The following KCTD17 variants were observed in gnomAD, a reference collection of about 807,000 sequenced individuals.
KCTD17 encodes the protein BTB/POZ domain-containing protein KCTD17.
Under a neutral mutation model 41.5 loss-of-function variants are expected in KCTD17, and 20 were observed. The observed-to-expected ratio is 0.48, with a 90% CI of 0.34 to 0.70. KCTD17 has a LOEUF of 0.70. Ranked by LOEUF, KCTD17 falls within the 30% of genes least tolerant of loss-of-function variation. KCTD17 has a pLI of 0.01. For synonymous variants in KCTD17, 156 were observed against 173.8 expected (o/e 0.90, Z 0.80); for missense variants, 317 against 427.2 (o/e 0.74, Z 2.27).
chr22:37,062,678 C>G lies in KCTD17; in HGVS notation c.*84C>G, dbSNP rs952735383. The G allele has an allele frequency of 3.2e-6, 5 of 1,550,326 alleles. No individual in the cohort carries two copies. Among genetic ancestry groups the G allele is most frequent in the South Asian group, 2.4e-5 (2 of 84,494 alleles). ...CTCCCCGGCCTCCTCTGTCTGCACC[C>G]GTGGGGCTGTGACTTACTCCTGCCT... On this transcript the variant is annotated 3_prime_UTR_variant, in exon 9 of 9. Transcript: ENST00000403888.
intron 1 of KCTD17, chr22:37,052,453 A>G: frequency 2.2e-6 from 1 of 450,052 alleles, no homozygotes; most frequent in Admixed American, 2.4e-5. Flanking sequence ...TCTGCTGCAC[A>G]CTGCCTGCCG....
chr22:37,053,018 C>A lies in KCTD17; in HGVS notation c.190-82C>A. ...TCCAGGGAAGAGCTCTCCCTCCACT[C>A]TCCTTCCCTCCCTGTGCGTGTGCGG... On this transcript the variant is annotated intron_variant, in intron 1 of 8. Coordinates refer to ENST00000403888, the MANE Select transcript of KCTD17 (RefSeq NM_001282684.2). The surrounding 1 kb of genome is among the most constrained non-coding windows in gnomAD (Gnocchi z 4.1). 2.6e-6 allele frequency: 3 copies of A among 1,132,626 alleles called. No homozygotes were observed. The highest frequency in any genetic ancestry group is 3.9e-6 in the Non-Finnish European group (3 of 773,676). 70.2% of individuals were successfully genotyped at this position (1,132,626 alleles called of 1,614,324 possible).
chr22:37,052,494 C>T (rs1201102965), intron 1 of KCTD17: 2 of 463,132 alleles, frequency 4.3e-6, no homozygotes, highest in South Asian at 1.5e-5. Flanking sequence ...CCCTGCACTG[C>T]GCTCAGCCTC....
At chr22:37,062,270 G>A (rs967243057) in intron 8 of KCTD17, 10 of 984,948 alleles carry the variant, frequency 1.0e-5, no homozygotes, top group Admixed American at 1.2e-4. Context: ...AGCCCAAGAC[G>A]GGGCATGGGG....
chr22:37,062,162 C>T (rs1925869881), intron 8 of KCTD17: 5 of 985,270 alleles, frequency 5.1e-6, no homozygotes, highest in African/African-American at 1.7e-5. Flanking sequence ...TGGCTTCTTT[C>T]GCCTGGGGCA....
rs1037776772 is a variant in KCTD17, at chr22:37,060,726, T to C, written c.613-97T>C. On this transcript the variant is annotated intron_variant, in intron 5 of 8. Coordinates refer to ENST00000403888, the MANE Select transcript of KCTD17 (RefSeq NM_001282684.2). ...CCCCTCTCCTGAGGTCCCTTTCACC[T>C]TGCCTGAGACCGGGTCTTTGGGGAT... The C allele has an allele frequency of 2.8e-6, 4 of 1,417,978 alleles. No individual in the cohort carries two copies. In the African/African-American group the frequency reaches 5.8e-5, roughly 21 times the overall value. 87.8% of individuals were successfully genotyped at this position (1,417,978 alleles called of 1,614,324 possible).
chr22:37,061,362 T>G lies in KCTD17; in HGVS notation c.785-177T>G. 2 of 1,475,444 alleles carry G rather than the reference T, an allele frequency of 1.4e-6. No homozygotes were observed. The highest frequency in any genetic ancestry group is 2.5e-5 in the East Asian group (1 of 40,386). 91.4% of individuals were successfully genotyped at this position (1,475,444 alleles called of 1,614,324 possible). On this transcript the variant is annotated intron_variant, in intron 7 of 8. Coordinates refer to ENST00000403888, the MANE Select transcript of KCTD17 (RefSeq NM_001282684.2). The surrounding 1 kb of genome is among the most constrained non-coding windows in gnomAD (Gnocchi z 6.6). ...GCCCTGCATCCCAGAGCGTCCTGCC[T>G]GCCGCCTCCTGCGCCCCTTCTGGTA...
intron 2 of KCTD17, 73 bp from the exon 3 acceptor site, chr22:37,056,247 G>C: frequency 1.5e-6 from 2 of 1,341,314 alleles, no homozygotes; most frequent in Non-Finnish European, 2.1e-6. Context: ...TGGGTTTCGG[G>C]GTGGAGGGAA....
Position 37,062,458 on chromosome 22 carries a change from A to T in KCTD17, c.876-67A>T, listed in dbSNP as rs991876631. On this transcript the variant is annotated intron_variant, in intron 8 of 8. Coordinates refer to ENST00000403888, the MANE Select transcript of KCTD17 (RefSeq NM_001282684.2). ...CCTCTCCGCCCCCTTGCCCTGCATC[A>T]CCCCCTCCTTACCGGCCCCACCTCC... The T allele has an allele frequency of 1.1e-5, 13 of 1,214,174 alleles. No homozygotes were observed. The Admixed American group carries it at 4.0e-4, about 37-fold the overall frequency. 75.2% of individuals were successfully genotyped at this position (1,214,174 alleles called of 1,614,324 possible). A position where few individuals can be genotyped will look rare whatever the true frequency, so the allele number is the denominator to read the frequency against.
At chr22:37,055,050 C>T (rs1407164972) in intron 2 of KCTD17, 5 of 152,256 alleles carry the variant, frequency 3.3e-5, no homozygotes, top group Non-Finnish European at 7.3e-5. Context: ...AGACTGCTGA[C>T]TTCTCGTTGT....
At position 37,062,652 on chromosome 22, in the gene KCTD17, T is replaced by A. The variant is rs1925934209; in HGVS notation, c.*58T>A. The A allele has an allele frequency of 6.4e-7, 1 of 1,572,328 alleles. No individual in the cohort carries two copies. Among genetic ancestry groups the A allele is most frequent in the African/African-American group, 1.4e-5 (1 of 73,954 alleles). On this transcript the variant is annotated 3_prime_UTR_variant, in exon 9 of 9. Coordinates refer to ENST00000403888, the MANE Select transcript of KCTD17 (RefSeq NM_001282684.2). ...CGGGCCTGAGAAGGAAGAAGCACCC[T>A]CTCCCCGGCCTCCTCTGTCTGCACC...
At position 37,053,168 on chromosome 22, in the gene KCTD17, G is replaced by T. The variant is rs1434686866; in HGVS notation, c.258G>T (p.Arg86=). 5 of 1,606,062 alleles carry T rather than the reference G, an allele frequency of 3.1e-6. No homozygotes were observed. Among genetic ancestry groups the T allele is most frequent in the Non-Finnish European group, 4.2e-6 (5 of 1,176,496 alleles). The change falls in exon 2 of 9, where the codon CGG becomes CGT. Residue 86 remains arginine (R), a synonymous_variant. Coordinates refer to ENST00000403888, the MANE Select transcript of KCTD17 (RefSeq NM_001282684.2). The surrounding 1 kb of genome is among the most constrained non-coding windows in gnomAD (Gnocchi z 4.1). The stretch of plus-strand genomic sequence containing the variant: ...TCGGGCCCATCCTGAACTTCCTCCG[G>T]CATGGCAAGCTGGTGCTGGACAAGG... ...TYFGPILNFL[R]HGKLVLDKDM... is the part of the protein sequence containing the mutation.
At position 37,062,687 on chromosome 22, in the gene KCTD17, G is replaced by A. The variant is rs1332919717; in HGVS notation, c.*93G>A. ...CTCCTCTGTCTGCACCCGTGGGGCT[G>A]TGACTTACTCCTGCCTCCAGGGGCG... On this transcript the variant is annotated 3_prime_UTR_variant, in exon 9 of 9. Transcript: ENST00000403888. 7.8e-6 allele frequency: 12 copies of A among 1,544,750 alleles called. No individual in the cohort carries two copies. Among genetic ancestry groups the A allele is most frequent in the Non-Finnish European group, 1.0e-5 (12 of 1,143,928 alleles).
intron 8 of KCTD17, 64 bp from the exon 9 acceptor site, chr22:37,062,461 C>G: frequency 1.9e-6 from 3 of 1,561,700 alleles, no homozygotes; most frequent in Non-Finnish European, 2.6e-6. Flanking sequence ...CTGCATCACC[C>G]CCTCCTTACC....
At position 37,057,391 on chromosome 22, in the gene KCTD17, CCCACAG is replaced by C; in HGVS notation, c.391-6_391-1del. The C allele has an allele frequency of 6.2e-7, 1 of 1,612,896 alleles. No homozygotes were observed. The highest frequency in any genetic ancestry group is 8.5e-7 in the Non-Finnish European group (1 of 1,179,064). ...AGGTGCCCTCTATGTGACCCTTCTG[CCCACAG>C]GTCCCACCCAAGCACGTGTACCGCG... On this transcript the variant is annotated splice_acceptor_variant and splice_polypyrimidine_tract_variant and intron_variant, in intron 3 of 8. Transcript: ENST00000403888. LOFTEE classifies it high-confidence loss of function.
chr22:37,053,299 C>A lies in KCTD17; in HGVS notation c.298+91C>A. On this transcript the variant is annotated intron_variant, in intron 2 of 8. Transcript: ENST00000403888. The surrounding 1 kb of genome is among the most constrained non-coding windows in gnomAD (Gnocchi z 4.1). ...AAGCCATTTGGACAACCAGGACGGC[C>A]ATCTGCCTGCTTGGTTGTTTCCTGC... The A allele has an allele frequency of 2.1e-6, 2 of 943,644 alleles. No individual in the cohort carries two copies. Among genetic ancestry groups the A allele is most frequent in the Non-Finnish European group, 3.3e-6 (2 of 603,996 alleles). 58.5% of individuals were successfully genotyped at this position (943,644 alleles called of 1,614,324 possible). A position where few individuals can be genotyped will look rare whatever the true frequency, so the allele number is the denominator to read the frequency against.
rs760624408 is a variant in KCTD17 at position 37,061,731 on chromosome 22, A to G, written c.875+102A>G. 23 of 1,475,062 alleles carry G rather than the reference A, an allele frequency of 1.6e-5. No homozygotes were observed. Among genetic ancestry groups the G allele is most frequent in the Non-Finnish European group, 2.0e-5 (22 of 1,107,694 alleles). 91.4% of individuals were successfully genotyped at this position (1,475,062 alleles called of 1,614,324 possible). A position where few individuals can be genotyped will look rare whatever the true frequency, so the allele number is the denominator to read the frequency against. On this transcript the variant is annotated intron_variant, in intron 8 of 8. Coordinates refer to ENST00000403888, the MANE Select transcript of KCTD17 (RefSeq NM_001282684.2). The surrounding 1 kb of genome is among the most constrained non-coding windows in gnomAD (Gnocchi z 6.6). ...AGCTTTCGGCTGATTATCTCCACCC[A>G]CCAAAGTTTCTCATCCGACCTTGGC...
chr22:37,059,009 C>T (rs575972841), intron 4 of KCTD17, among the ~76,000 whole-genome samples: 1 of 152,204 alleles, frequency 6.6e-6, no homozygotes, highest in Non-Finnish European at 1.5e-5. Flanking sequence ...CCCCCTGGCT[C>T]TGGGGCTAGG....
At position 37,057,392 on chromosome 22, in the gene KCTD17, C is replaced by T. The variant is rs1392135402; in HGVS notation, c.391-6C>T. 6.2e-7 allele frequency: 1 copy of T among 1,613,006 alleles called. No homozygotes were observed. Among genetic ancestry groups the T allele is most frequent in the Non-Finnish European group, 8.5e-7 (1 of 1,179,280 alleles). ...GGTGCCCTCTATGTGACCCTTCTGC[C>T]CACAGGTCCCACCCAAGCACGTGTA... On this transcript the variant is annotated splice_polypyrimidine_tract_variant and splice_region_variant and intron_variant, in intron 3 of 8. Coordinates refer to ENST00000403888, the MANE Select transcript of KCTD17 (RefSeq NM_001282684.2).
Sources: allele counts gnomAD v4.1 joint callset (sites outside exome capture counted in the v4.1 genomes callset), GRCh38; gene constraint gnomAD v4.1.1; non-coding constraint Gnocchi (gnomAD v3.1); transcripts MANE v1.5; gene names NCBI Gene and HGNC (gene_info 2026-07-23, HGNC 2026-07-21).